TRIM33: variants seen among roughly 807,000 people sequenced by gnomAD.
TRIM33 encodes the protein tripartite motif containing 33.
Under a neutral mutation model 125.4 loss-of-function variants are expected in TRIM33, and 20 were observed. That is an observed-to-expected ratio of 0.16 (90% CI 0.11 to 0.23). The LOEUF is 0.23. TRIM33 is among the 10% of genes least tolerant of loss of function. The pLI is 1.00. For synonymous variants in TRIM33, 564 were observed against 513.9 expected, an observed-to-expected ratio of 1.10 and a Z score of -1.32; for missense variants, 920 against 1,411.4, an observed-to-expected ratio of 0.65 and a Z score of 5.58.
Position 114,393,746 on chromosome 1 carries a change from A to G in TRIM33, c.*3902T>C. ...GCATATAAATTTTTTTCCTTAAAAA[A>G]GTACCTTCAATTTTTTTACTCAAAC... is the stretch of plus-strand genomic sequence containing the variant. On this transcript the variant is annotated 3_prime_UTR_variant, in exon 20 of 20. Transcript: ENST00000358465. 9.5e-6 allele frequency: 2 copies of G among 209,906 alleles called. No individual in the cohort carries two copies. The highest frequency in any genetic ancestry group is 1.9e-5 in the Non-Finnish European group (2 of 103,034). The allele number at this position is 209,906 out of a possible 1,614,324, so 13.0% of individuals were successfully genotyped here. A position where few individuals can be genotyped will look rare whatever the true frequency, so the allele number is the denominator to read the frequency against.
chr1:114,427,711 G>A, intron 7 of TRIM33, 37 bp downstream of exon 7: 1 of 1,589,168 alleles, frequency 6.3e-7, no homozygotes, highest in Non-Finnish European at 8.6e-7. Context: ...TCTTAATAAA[G>A]TCCATTAAAG....
chr1:114,473,660 T>C (rs1027765366), intron 1 of TRIM33, among the ~76,000 whole-genome samples: 1 of 152,140 alleles, frequency 6.6e-6, no homozygotes, highest in African/African-American at 2.4e-5. Flanking sequence ...TGAGGAAGTT[T>C]AGAAGTAGAA....
chr1:114,449,419 C>T (rs1295274212), intron 4 of TRIM33, among the ~76,000 whole-genome samples: 7 of 152,066 alleles, frequency 4.6e-5, no homozygotes, highest in Non-Finnish European at 8.8e-5. Context: ...GATGAGGGGA[C>T]GTCTGGGAGT....
rs773327354 is a variant in TRIM33 at position 114,402,903 on chromosome 1, A to G, written c.2769-20T>C. ...TCCCCACTAGACAGGGAAATAGGCA[A>G]TTAGTCCACGTAATTATAAGAAAGC... On this transcript the variant is annotated intron_variant, in intron 15 of 19. Coordinates refer to ENST00000358465, the MANE Select transcript of TRIM33 (RefSeq NM_015906.4). 45 of 1,601,832 alleles carry G rather than the reference A, an allele frequency of 2.8e-5. No homozygotes were observed. The highest frequency in any genetic ancestry group is 3.7e-5 in the Non-Finnish European group (43 of 1,175,042).
intron 1 of TRIM33, among the ~76,000 whole-genome samples, chr1:114,476,984 C>A (rs2101464055): frequency 6.6e-6 from 1 of 152,220 alleles, no homozygotes; most frequent in African/African-American, 2.4e-5. Context: ...CATTGTTTTA[C>A]TATTAAAACC....
intron 1 of TRIM33, among the ~76,000 whole-genome samples, chr1:114,475,497 C>T (rs532348295): frequency 5.9e-5 from 9 of 152,114 alleles, no homozygotes; most frequent in East Asian, 3.9e-4. Flanking sequence ...CTGGCAAACA[C>T]GGTGAAACGC....
At chr1:114,467,716 T>A (rs1271161251) in intron 1 of TRIM33, among the ~76,000 whole-genome samples, 1 of 152,212 alleles carries the variant, frequency 6.6e-6, no homozygotes, top group Non-Finnish European at 1.5e-5. Context: ...TAACCATTTA[T>A]GATTAACTTG....
intron 1 of TRIM33, among the ~76,000 whole-genome samples, chr1:114,480,923 A>C (rs1651289386): frequency 6.6e-6 from 1 of 152,198 alleles, no homozygotes; most frequent in African/African-American, 2.4e-5. Context: ...CAGCTGGAGT[A>C]GTCACACTAA....
chr1:114,407,954 G>A (rs1012891007), intron 13 of TRIM33, among the ~76,000 whole-genome samples: 2 of 152,080 alleles, frequency 1.3e-5, no homozygotes, highest in African/African-American at 2.4e-5. Context: ...ATTTCAACCA[G>A]CAGAAAAATA....
At chr1:114,434,934 AAT>A (rs1382706862) in intron 4 of TRIM33, among the ~76,000 whole-genome samples, 1 of 152,214 alleles carries the variant, frequency 6.6e-6, no homozygotes, top group Non-Finnish European at 1.5e-5. Context: ...CAAAAGTCAG[AAT>A]ATGAGACAAC....
chr1:114,410,116 G>C (rs1652486529), intron 12 of TRIM33, 68 bp downstream of exon 12: 2 of 1,568,406 alleles, frequency 1.3e-6, no homozygotes, highest in Non-Finnish European at 8.8e-7. Flanking sequence ...GGAGAATTCT[G>C]ACTAAGACAG....
chr1:114,433,567 A>C, intron 5 of TRIM33, 50 bp downstream of exon 5: 1 of 1,144,434 alleles, frequency 8.7e-7, no homozygotes, highest in South Asian at 1.4e-5. Flanking sequence ...AACTGGACCC[A>C]CTTCTTTTTA....
rs1651376914 is a variant in TRIM33 at position 114,393,312 on chromosome 1, C to T, written c.*4336G>A. The T allele has an allele frequency of 5.0e-6, 1 of 199,440 alleles. No homozygotes were observed. Among genetic ancestry groups the T allele is most frequent in the Non-Finnish European group, 1.0e-5 (1 of 96,556 alleles). The allele number at this position is 199,440 out of a possible 1,614,324, so 12.4% of individuals were successfully genotyped here. A position where few individuals can be genotyped will look rare whatever the true frequency, so the allele number is the denominator to read the frequency against. ...TGTTTTAAAATGTAGTAGATGCCTA[C>T]ATTTTTCAGAACAAGGAGCAGACAT... On this transcript the variant is annotated 3_prime_UTR_variant, in exon 20 of 20. Coordinates refer to ENST00000358465, the MANE Select transcript of TRIM33 (RefSeq NM_015906.4).
At chr1:114,477,653 A>G (rs1400692906) in intron 1 of TRIM33, among the ~76,000 whole-genome samples, 1 of 152,230 alleles carries the variant, frequency 6.6e-6, no homozygotes, top group Non-Finnish European at 1.5e-5. Context: ...TATTCATCTC[A>G]AAGATTTTAG....
At chr1:114,493,127 G>C (rs1354296589) in intron 1 of TRIM33, among the ~76,000 whole-genome samples, 1 of 151,936 alleles carries the variant, frequency 6.6e-6, no homozygotes, top group East Asian at 1.9e-4. Context: ...TTGTGGTTTT[G>C]TTTACATTTC....
At chr1:114,455,318 A>T (rs1241004699) in intron 4 of TRIM33, among the ~76,000 whole-genome samples, 5 of 152,208 alleles carry the variant, frequency 3.3e-5, no homozygotes, top group African/African-American at 7.2e-5. Context: ...GCTACACTGG[A>T]CTGACATGAT....
At chr1:114,460,907 T>C in intron 4 of TRIM33, among the ~76,000 whole-genome samples, 1 of 152,122 alleles carries the variant, frequency 6.6e-6, no homozygotes, top group African/African-American at 2.4e-5. Context: ...ATTGTCGTAA[T>C]TGCTGTAATT....
intron 1 of TRIM33, among the ~76,000 whole-genome samples, chr1:114,496,646 A>T (rs11102799): frequency 0.2 from 30,462 of 152,020 alleles, 3,849 homozygotes; most frequent in East Asian, 0.39. Flanking sequence ...TAATTGAGTA[A>T]TTTTTTTTGT....
intron 5 of TRIM33, among the ~76,000 whole-genome samples, chr1:114,433,378 G>A (rs1648089034): frequency 6.6e-6 from 1 of 152,048 alleles, no homozygotes; most frequent in African/African-American, 2.4e-5. Flanking sequence ...CCACATTTAA[G>A]GTTTAACACA....
Sources: gnomAD v4.1 joint callset for allele counts (sites outside exome capture counted in the v4.1 genomes callset) on GRCh38, gnomAD v4.1.1 for gene constraint, MANE v1.5 for transcripts, NCBI Gene and HGNC (gene_info 2026-07-23, HGNC 2026-07-21) for gene names.